The following ADGRD1 variants were observed in gnomAD, a reference collection of about 807,000 sequenced individuals.
The protein encoded by ADGRD1 is G-protein coupled receptor 133.
A neutral mutation model predicts 113.4 loss-of-function variants in ADGRD1; 77 were observed. That is an observed-to-expected ratio of 0.68 (90% CI 0.57 to 0.82). ADGRD1 has a LOEUF of 0.82. Ranked by LOEUF, ADGRD1 falls within the 40% of genes least tolerant of loss-of-function variation. The pLI is 0.00. For synonymous variants in ADGRD1, 474 were observed against 475.0 expected (o/e 1.00, Z 0.03); for missense variants, 1,036 against 1,139.1 (o/e 0.91, Z 1.30).
At position 131,136,081 on chromosome 12, in the gene ADGRD1, C is replaced by T. The variant is rs548104709; in HGVS notation, c.2312C>T (p.Thr771Ile). The T allele has an allele frequency of 6.2e-7, 1 of 1,614,170 alleles. No individual in the cohort carries two copies. The highest frequency in any genetic ancestry group is 1.3e-5 in the African/African-American group (1 of 75,062). Residue 771 changes from threonine to isoleucine, a missense_variant, in exon 22 of 25, where the codon ACC becomes ATC. Transcript: ENST00000261654. ...AVAVLLPILG[T>I]SWVFGVLAVN... The stretch of plus-strand genomic sequence containing the variant: ...GCCGTGCTGCTGCCCATCCTGGGTA[C>T]CTCGTGGGTCTTTGGCGTGCTTGCT...
At chr12:130,974,257 T>C (rs992481917) in intron 4 of ADGRD1, among the ~76,000 whole-genome samples, 10 of 152,176 alleles carry the variant, frequency 6.6e-5, no homozygotes, top group Non-Finnish European at 1.5e-4. Flanking sequence ...AAAGTCCCTG[T>C]AGCAGGAGGC....
intron 3 of ADGRD1, chr12:130,969,075 G>A: frequency 1.4e-6 from 2 of 1,452,286 alleles, no homozygotes; most frequent in Non-Finnish European, 1.9e-6. Flanking sequence ...AACTGTAGGT[G>A]AGCATTTATG....
At position 131,005,601 on chromosome 12, in the gene ADGRD1, G is replaced by C. The variant is rs554858838; in HGVS notation, c.1256-371G>C. ...AGGCTGGAGGCTGGCACTGCCCCCT[G>C]TTGACTTGCAGGAGCTGTCTCCCTG... On this transcript the variant is annotated intron_variant, in intron 11 of 24. Transcript: ENST00000261654. Among the ~76,000 whole-genome samples the C allele has an allele frequency of 1.7e-3, 250 of 150,442 alleles. 2 individuals carry two copies. The highest frequency in any genetic ancestry group is 5.8e-3 in the African/African-American group (231 of 39,870).
Position 131,003,515 on chromosome 12 carries a change from C to T in ADGRD1, c.1144+213C>T, listed in dbSNP as rs1294449025. 6.6e-6 allele frequency among the ~76,000 whole-genome samples: 1 copy of T among 152,124 alleles called. No individual in the cohort carries two copies. The highest frequency in any genetic ancestry group is 1.5e-5 in the Non-Finnish European group (1 of 68,036). On this transcript the variant is annotated intron_variant, in intron 10 of 24. Transcript: ENST00000261654. The surrounding 1 kb of genome is among the most constrained non-coding windows in gnomAD (Gnocchi z 4.8). ...TGCAGATGGGGCCCATAAGCTTTTC[C>T]CAGTGACTTGGGAGCCAAGCTCCTG...
chr12:130,969,013 G>T, intron 3 of ADGRD1: 1 of 1,535,324 alleles, frequency 6.5e-7, no homozygotes, highest in Non-Finnish European at 8.7e-7. Context: ...CTTCCTTCCC[G>T]TAATGCTACT....
intron 5 of ADGRD1, chr12:130,986,756 T>C (rs76035020): frequency 0.015 from 4,098 of 280,490 alleles, 72 homozygotes; most frequent in African/African-American, 0.05. Flanking sequence ...ACTGAGCTTA[T>C]GGTCTGATTG....
At chr12:130,977,603 C>T (rs1010598165) in intron 4 of ADGRD1, 1 of 152,360 alleles carries the variant, frequency 6.6e-6, no homozygotes, top group African/African-American at 2.4e-5. Context: ...TGCTCCAGCT[C>T]TGTTCTCAAG....
rs1271630984 is a variant in ADGRD1, at chr12:131,084,753, C to T, written c.1671+90C>T. ...GGGAGGATGCTTTGCCCGCCAGTGC[C>T]CACGGGCCCTGGGCACATTACTCCA... is the stretch of plus-strand genomic sequence containing the variant. On this transcript the variant is annotated intron_variant, in intron 15 of 24. Transcript: ENST00000261654. This position sits in a 1 kb window ranked among gnomAD's most constrained non-coding sequence, Gnocchi z 4.5. The T allele has an allele frequency of 4.2e-6, 6 of 1,415,042 alleles. No individual in the cohort carries two copies. In the African/African-American group the frequency reaches 7.1e-5, roughly 17 times the overall value. 87.7% of individuals were successfully genotyped at this position (1,415,042 alleles called of 1,614,324 possible). A position where few individuals can be genotyped will look rare whatever the true frequency, so the allele number is the denominator to read the frequency against.
At chr12:131,092,441 T>C (rs1004147406) in intron 15 of ADGRD1, among the ~76,000 whole-genome samples, 1 of 152,174 alleles carries the variant, frequency 6.6e-6, no homozygotes, top group Non-Finnish European at 1.5e-5. Context: ...CCGATATTGA[T>C]AGACAGTCCT....
intron 15 of ADGRD1, among the ~76,000 whole-genome samples, chr12:131,102,713 G>C (rs1476770525): frequency 6.6e-6 from 1 of 152,230 alleles, no homozygotes; most frequent in Non-Finnish European, 1.5e-5. Flanking sequence ...GGCACCTGCT[G>C]CAGGGAAGCC....
At chr12:131,015,600 C>CTGGAGGTGGAGATGGAGA (rs1878470824) in intron 13 of ADGRD1, among the ~76,000 whole-genome samples, 1 of 142,014 alleles carries the variant, frequency 7.0e-6, no homozygotes, top group Non-Finnish European at 1.5e-5. Flanking sequence ...GGAGAGGGGA[C>CTGGAGGTGGAGATGGAGA]TGGAGTTGGA....
At chr12:131,053,355 G>A (rs1883571538) in intron 13 of ADGRD1, among the ~76,000 whole-genome samples, 1 of 152,166 alleles carries the variant, frequency 6.6e-6, no homozygotes, top group African/African-American at 2.4e-5. Flanking sequence ...TTATTTTCTT[G>A]GAAACCCGTC....
Position 131,140,795 on chromosome 12 carries a change from C to T in ADGRD1, c.*1532C>T, listed in dbSNP as rs1951225869. ...GGAGGGTAGGCAGGGAGCAGCATGT[C>T]TGCAGGGGTGAACCTTTGCTCTTCT... is the stretch of plus-strand genomic sequence containing the variant. On this transcript the variant is annotated 3_prime_UTR_variant, in exon 25 of 25. Transcript: ENST00000261654. 1 of 152,268 alleles carries T rather than the reference C, an allele frequency of 6.6e-6. No homozygotes were observed. The highest frequency in any genetic ancestry group is 2.1e-4 in the South Asian group (1 of 4,836). The allele number at this position is 152,268 out of a possible 1,614,324, so 9.4% of individuals were successfully genotyped here. A position where few individuals can be genotyped will look rare whatever the true frequency, so the allele number is the denominator to read the frequency against.
intron 13 of ADGRD1, among the ~76,000 whole-genome samples, chr12:131,053,619 G>C (rs980223002): frequency 6.6e-6 from 1 of 152,140 alleles, no homozygotes; most frequent in African/African-American, 2.4e-5. Context: ...CAATGAACCA[G>C]AATGGTGCTA....
chr12:131,047,309 C>G (rs1240541564), intron 13 of ADGRD1, among the ~76,000 whole-genome samples: 2 of 152,184 alleles, frequency 1.3e-5, no homozygotes, highest in Admixed American at 1.3e-4. Flanking sequence ...GTCAGGTGAT[C>G]CACGGCGAGG....
Position 131,076,689 on chromosome 12 carries a change from C to T in ADGRD1, c.1474-112C>T. The T allele has an allele frequency of 4.7e-6, 4 of 846,512 alleles. 1 individual carries two copies. Among genetic ancestry groups the T allele is most frequent in the Non-Finnish European group, 2.0e-6 (1 of 490,228 alleles). The allele number at this position is 846,512 out of a possible 1,614,324, so 52.4% of individuals were successfully genotyped here. A position where few individuals can be genotyped will look rare whatever the true frequency, so the allele number is the denominator to read the frequency against. On this transcript the variant is annotated intron_variant, in intron 13 of 24. Coordinates refer to ENST00000261654, the MANE Select transcript of ADGRD1 (RefSeq NM_198827.5). ...TGGAGATAGACATCAGTGGCTATGC[C>T]TGTCCCTACCTGAGGTCGCCCAGCT...
chr12:131,135,985 G>A (rs1951070404), intron 21 of ADGRD1, 52 bp from the exon 22 acceptor site: 7 of 1,607,654 alleles, frequency 4.4e-6, no homozygotes, highest in Non-Finnish European at 5.1e-6. Flanking sequence ...AGTCCTCACA[G>A]CCTGCACCTG....
chr12:131,114,017 ACT>A (rs908189733), intron 18 of ADGRD1, among the ~76,000 whole-genome samples: 3 of 152,104 alleles, frequency 2.0e-5, no homozygotes, highest in Non-Finnish European at 2.9e-5. Flanking sequence ...ACACACTCAC[ACT>A]CTCCATAAGC....
At chr12:131,046,330 G>GTGCTCCCTCCCTGT (rs1882757324) in intron 13 of ADGRD1, among the ~76,000 whole-genome samples, 2,639 of 29,556 alleles carry the variant, frequency 0.089, no homozygotes, top group Admixed American at 0.13. Flanking sequence ...GTCCTCCCTG[G>GTGCTCCCTCCCTGT]TCAGTGCTCC....
Sources: gnomAD v4.1 joint callset for allele counts (sites outside exome capture counted in the v4.1 genomes callset) on GRCh38, gnomAD v4.1.1 for gene constraint, Gnocchi (gnomAD v3.1) non-coding constraint, MANE v1.5 for transcripts, NCBI Gene and HGNC (gene_info 2026-07-23, HGNC 2026-07-21) for gene names.